The following SLIT2 variants were observed in gnomAD, a reference collection of about 807,000 sequenced individuals.
SLIT2 encodes slit homolog 2 protein.
In SLIT2, 41 loss-of-function variants were observed where a neutral mutation model predicts 185.7. The ratio of observed to expected loss-of-function variants is 0.22; its 90% CI spans 0.17 to 0.29. SLIT2 has a LOEUF of 0.29. Among genes scored for constraint, SLIT2 ranks in the 10% least tolerant of loss-of-function variants. The pLI, the probability that SLIT2 is intolerant of heterozygous loss-of-function variation, is 1.00. For synonymous variants in SLIT2, 693 were observed against 680.2 expected (o/e 1.02, Z -0.29); for missense variants, 1,571 against 1,909.0 (o/e 0.82, Z 3.30).
At chr4:20,312,117 T>G (rs1718163367) in intron 4 of SLIT2, among the ~76,000 whole-genome samples, 2 of 152,212 alleles carry the variant, frequency 1.3e-5, no homozygotes, top group Non-Finnish European at 2.9e-5. Flanking sequence ...CAGAACAGTT[T>G]CTCAAGAGTT....
At chr4:20,511,587 A>ATTTTTTTTTTTTTTT (rs759622666) in intron 11 of SLIT2, among the ~76,000 whole-genome samples, 14,371 of 80,922 alleles carry the variant, frequency 0.18, 2,654 homozygotes, top group East Asian at 0.37. Flanking sequence ...CATCCAGCTA[A>ATTTTTTTTTTTTTTT]TTTTTTTTTT....
intron 5 of SLIT2, among the ~76,000 whole-genome samples, chr4:20,468,899 A>G (rs1218702059): frequency 6.6e-6 from 1 of 151,508 alleles, no homozygotes; most frequent in Non-Finnish European, 1.5e-5. Flanking sequence ...TTCCCTTGTC[A>G]AAGAAGACAA....
intron 11 of SLIT2, among the ~76,000 whole-genome samples, chr4:20,514,356 T>C (rs138959754): frequency 4.3e-4 from 66 of 152,128 alleles, no homozygotes; most frequent in Non-Finnish European, 7.8e-4. Context: ...AAATAAAAAT[T>C]TCAGCCAGGC....
At chr4:20,499,734 T>C (rs525689) in intron 9 of SLIT2, among the ~76,000 whole-genome samples, 101,645 of 151,906 alleles carry the variant, frequency 0.67, 34,747 homozygotes, top group East Asian at 0.9. Flanking sequence ...GTGATCTGCC[T>C]GCCTCAGCCT....
intron 4 of SLIT2, among the ~76,000 whole-genome samples, chr4:20,462,783 A>G (rs73108646): frequency 0.026 from 3,917 of 152,162 alleles, 168 homozygotes; most frequent in African/African-American, 0.089. Flanking sequence ...CCTCCATCCC[A>G]CTGACACAGT....
intron 4 of SLIT2, among the ~76,000 whole-genome samples, chr4:20,398,544 C>CT (rs1296123266): frequency 6.6e-6 from 1 of 151,734 alleles, no homozygotes; most frequent in Admixed American, 6.6e-5. Flanking sequence ...GATGTTTTAT[C>CT]TACTTTCAGC....
In SLIT2 at chr4:20,491,918, T is replaced by G. The variant is rs372452390; in HGVS notation, c.914+19T>G. 4 of 1,607,888 alleles carry G rather than the reference T, an allele frequency of 2.5e-6. No homozygotes were observed. In the African/African-American group the frequency reaches 5.4e-5, roughly 22 times the overall value. On this transcript the variant is annotated intron_variant, in intron 9 of 36. Coordinates refer to ENST00000504154, the MANE Select transcript of SLIT2 (RefSeq NM_004787.4). ...CAGAAATGTATGTGCCTGAAATTCTTTCTTATCTCCCCACCTTCCCGGTGA... is the reference window on the plus strand; with the variant it reads ...CAGAAATGTATGTGCCTGAAATTCTGTCTTATCTCCCCACCTTCCCGGTGA...
intron 9 of SLIT2, among the ~76,000 whole-genome samples, chr4:20,493,116 A>C (rs936804629): frequency 2.0e-5 from 3 of 152,334 alleles, no homozygotes; most frequent in African/African-American, 7.2e-5. Flanking sequence ...ACTTGGGAAG[A>C]GACAGATGAC....
chr4:20,493,734 A>G lies in SLIT2; in HGVS notation c.914+1835A>G, dbSNP rs569764267. Among the ~76,000 whole-genome samples the G allele has an allele frequency of 1.7e-4, 26 of 152,308 alleles. 1 individual carries two copies. Among genetic ancestry groups the G allele is most frequent in the African/African-American group, 6.3e-4 (26 of 41,566 alleles). On this transcript the variant is annotated intron_variant, in intron 9 of 36. Transcript: ENST00000504154. ...AGGGCGGTTGTCAGTTTGATGTGAA[A>G]TAATTAACACACATAGAGCTATGTG...
intron 4 of SLIT2, among the ~76,000 whole-genome samples, chr4:20,448,046 C>G (rs1712013841): frequency 6.6e-6 from 1 of 152,206 alleles, no homozygotes; most frequent in South Asian, 2.1e-4. Flanking sequence ...AAGCTTGTAT[C>G]TACATGGTAA....
At chr4:20,359,991 G>A (rs992907263) in intron 4 of SLIT2, among the ~76,000 whole-genome samples, 5 of 152,092 alleles carry the variant, frequency 3.3e-5, no homozygotes, top group African/African-American at 1.2e-4. Context: ...TATTCAGTGA[G>A]CAGCACAGTG....
intron 5 of SLIT2, among the ~76,000 whole-genome samples, chr4:20,470,270 G>A (rs1463281663): frequency 6.6e-6 from 1 of 152,112 alleles, no homozygotes; most frequent in Non-Finnish European, 1.5e-5. Flanking sequence ...TAGCAATATT[G>A]ACTAGAAATG....
At chr4:20,509,078 GAATT>G (rs999025662) in intron 9 of SLIT2, among the ~76,000 whole-genome samples, 13 of 151,666 alleles carry the variant, frequency 8.6e-5, no homozygotes, top group African/African-American at 2.9e-4. Flanking sequence ...CAATAAAAAT[GAATT>G]AATGTATATG....
At chr4:20,316,293 A>C (rs1258448067) in intron 4 of SLIT2, among the ~76,000 whole-genome samples, 1 of 152,042 alleles carries the variant, frequency 6.6e-6, no homozygotes, top group African/African-American at 2.4e-5. Context: ...GTTTTTTTAC[A>C]TACTTATCAA....
chr4:20,559,213 G>A (rs1158650996), intron 26 of SLIT2, among the ~76,000 whole-genome samples: 1 of 151,976 alleles, frequency 6.6e-6, no homozygotes, highest in Non-Finnish European at 1.5e-5. Context: ...TTCAACTGTG[G>A]AAGTTCAGTT....
chr4:20,568,727 G>A (rs1725307949), intron 28 of SLIT2, 138 bp from the exon 29 acceptor site: 2 of 718,128 alleles, frequency 2.8e-6, no homozygotes, highest in East Asian at 2.6e-5. Context: ...TCAGTTAAAA[G>A]CATTTTAAAA....
At chr4:20,361,795 C>T (rs1400753600) in intron 4 of SLIT2, among the ~76,000 whole-genome samples, 1 of 151,620 alleles carries the variant, frequency 6.6e-6, no homozygotes, top group South Asian at 2.1e-4. Context: ...TTTTTTATTT[C>T]TTTTTTCTCT....
chr4:20,263,128 G>T (rs539668664), intron 3 of SLIT2, among the ~76,000 whole-genome samples: 2 of 151,570 alleles, frequency 1.3e-5, no homozygotes, highest in African/African-American at 4.8e-5. Flanking sequence ...ATTTCTTTTG[G>T]ATACCTTTCT....
chr4:20,253,848 G>A lies in SLIT2; in HGVS notation c.33G>A (p.Leu11=). MRGVGWQMLS[L]SLGLVLAILN... ...GCGTTGGCTGGCAGATGCTGTCCCT[G>A]TCGCTGGGGTTAGTGCTGGCGATCC... The change falls in exon 1 of 37, where the codon CTG becomes CTA. Residue 11 remains leucine (L), a synonymous_variant. Transcript: ENST00000504154. 1 of 1,600,206 alleles carries A rather than the reference G, an allele frequency of 6.2e-7. No homozygotes were observed.
Sources: gnomAD v4.1 joint callset for allele counts (sites outside exome capture counted in the v4.1 genomes callset) on GRCh38, gnomAD v4.1.1 for gene constraint, MANE v1.5 for transcripts, NCBI Gene and HGNC (gene_info 2026-07-23, HGNC 2026-07-21) for gene names.